Variants in KCNAB1 observed in about 807,000 individuals in gnomAD.
The protein encoded by KCNAB1 is voltage-gated potassium channel subunit beta-1.
KCNAB1 carries 35 observed loss-of-function variants against 64.6 expected under a neutral mutation model. The ratio of observed to expected loss-of-function variants is 0.54; its 90% CI spans 0.41 to 0.72. KCNAB1 has a LOEUF of 0.72. Ranked by LOEUF, KCNAB1 falls within the 30% of genes least tolerant of loss-of-function variation. The pLI, the probability that KCNAB1 is intolerant of heterozygous loss-of-function variation, is 0.00. For missense variants in KCNAB1, 401 were observed against 512.9 expected, an observed-to-expected ratio of 0.78 and a Z score of 2.11; for synonymous variants, 177 against 183.8, an observed-to-expected ratio of 0.96 and a Z score of 0.30.
At chr3:156,354,102 GTA>G (rs1162327469) in intron 1 of KCNAB1, among the ~76,000 whole-genome samples, 132 of 123,654 alleles carry the variant, frequency 1.1e-3, no homozygotes, top group Admixed American at 2.3e-3. Flanking sequence ...TATAATATAT[GTA>G]TATATATGTG....
upstream of KCNAB1, chr3:156,120,535 G>A: frequency 6.5e-7 from 1 of 1,537,596 alleles, no homozygotes; most frequent in Admixed American, 1.7e-5. Flanking sequence ...GGACGAGGGA[G>A]GGAGGCAGAA....
chr3:156,451,102 A>T (rs1306476211), intron 2 of KCNAB1, among the ~76,000 whole-genome samples: 1 of 152,222 alleles, frequency 6.6e-6, no homozygotes, highest in African/African-American at 2.4e-5. Context: ...TGGTGAGGAC[A>T]TCAGCTCTTT....
chr3:156,291,479 C>T (rs1410572918), intron 1 of KCNAB1: 15 of 1,059,286 alleles, frequency 1.4e-5, no homozygotes, highest in African/African-American at 1.7e-5. Context: ...GAGCCATCGC[C>T]CAGAAGCGAG....
At chr3:156,361,243 A>C (rs1223083956) in intron 1 of KCNAB1, among the ~76,000 whole-genome samples, 2 of 152,034 alleles carry the variant, frequency 1.3e-5, no homozygotes, top group African/African-American at 4.8e-5. Flanking sequence ...GCGCCTTTGC[A>C]CTTGCTACTC....
chr3:156,403,406 G>T (rs1036986345), intron 1 of KCNAB1, among the ~76,000 whole-genome samples: 2 of 152,182 alleles, frequency 1.3e-5, no homozygotes, highest in African/African-American at 4.8e-5. Flanking sequence ...TTACCCTCTG[G>T]AGAGTTTTAA....
At chr3:156,402,040 A>G (rs1365895504) in intron 1 of KCNAB1, among the ~76,000 whole-genome samples, 1 of 152,062 alleles carries the variant, frequency 6.6e-6, no homozygotes, top group Non-Finnish European at 1.5e-5. Context: ...TAAGAGAAGT[A>G]CCTAATGTAA....
At chr3:156,477,583 T>C (rs1416407868) in intron 8 of KCNAB1, among the ~76,000 whole-genome samples, 1 of 152,094 alleles carries the variant, frequency 6.6e-6, no homozygotes, top group Non-Finnish European at 1.5e-5. Flanking sequence ...GCAGGACTTG[T>C]TCCAGATTGA....
chr3:156,342,609 ATT>A (rs59689669), intron 1 of KCNAB1, among the ~76,000 whole-genome samples: 14,896 of 104,644 alleles, frequency 0.14, 1,530 homozygotes, highest in African/African-American at 0.4. Context: ...TTTTTTTTTA[ATT>A]TTTTTTTTTT....
intron 1 of KCNAB1, among the ~76,000 whole-genome samples, chr3:156,171,902 A>G (rs531646479): frequency 2.0e-5 from 3 of 152,334 alleles, no homozygotes; most frequent in Admixed American, 1.3e-4. Context: ...CTTTGTAATT[A>G]TTTAATCTGA....
At chr3:156,165,277 CAAAA>C (rs35419424) in intron 1 of KCNAB1, among the ~76,000 whole-genome samples, 7 of 27,136 alleles carry the variant, frequency 2.6e-4, no homozygotes, top group Admixed American at 5.9e-4. Context: ...GACTCCGTCT[CAAAA>C]AAAAAAAAAA....
chr3:156,171,186 C>T (rs545737735), intron 1 of KCNAB1, among the ~76,000 whole-genome samples: 10 of 121,754 alleles, frequency 8.2e-5, no homozygotes, highest in African/African-American at 1.3e-4. Flanking sequence ...AGAAACTTCA[C>T]GCACACATAC....
intron 1 of KCNAB1, among the ~76,000 whole-genome samples, chr3:156,124,812 C>A (rs1357728583): frequency 6.6e-6 from 1 of 152,036 alleles, no homozygotes; most frequent in Non-Finnish European, 1.5e-5. Flanking sequence ...GTCTCAATTT[C>A]TTTGACTGCA....
intron 8 of KCNAB1, among the ~76,000 whole-genome samples, chr3:156,475,803 CATATT>C (rs751183459): frequency 7.1e-4 from 108 of 152,056 alleles, no homozygotes; most frequent in Non-Finnish European, 1.3e-3. Context: ...AAATGATTGA[CATATT>C]ATAAATTTTT....
At chr3:156,434,649 AAAAT>A (rs1716465052) in intron 2 of KCNAB1, among the ~76,000 whole-genome samples, 1 of 152,208 alleles carries the variant, frequency 6.6e-6, no homozygotes, top group Admixed American at 6.5e-5. Flanking sequence ...AGATAAATAG[AAAAT>A]AAATAAATGG....
chr3:156,380,008 C>G (rs569878936), intron 1 of KCNAB1, among the ~76,000 whole-genome samples: 12 of 152,180 alleles, frequency 7.9e-5, no homozygotes, highest in Non-Finnish European at 7.4e-5. Flanking sequence ...TGTGGCTGCT[C>G]TAAGTCCTCT....
At chr3:156,320,035 T>A (rs1234197654) in intron 1 of KCNAB1, among the ~76,000 whole-genome samples, 2 of 152,112 alleles carry the variant, frequency 1.3e-5, no homozygotes, top group Non-Finnish European at 2.9e-5. Flanking sequence ...CAGGGCTACA[T>A]CCATCCTGGA....
chr3:156,526,656 A>ATGG (rs1265044736), intron 12 of KCNAB1, among the ~76,000 whole-genome samples: 1 of 152,218 alleles, frequency 6.6e-6, no homozygotes, highest in East Asian at 1.9e-4. Context: ...GTCAGGTTCT[A>ATGG]TAGTAAGCAC....
intron 1 of KCNAB1, among the ~76,000 whole-genome samples, chr3:156,264,195 TTTTG>T (rs1718574690): frequency 6.6e-6 from 1 of 152,166 alleles, no homozygotes; most frequent in South Asian, 2.1e-4. Context: ...TTAAAATTTG[TTTTG>T]TTTGACAGTA....
intron 1 of KCNAB1, among the ~76,000 whole-genome samples, chr3:156,295,673 A>AT (rs1162485337): frequency 6.6e-6 from 1 of 152,202 alleles, no homozygotes. Context: ...ACTGAGGACT[A>AT]TCCTGTATGT....
Sources: allele counts gnomAD v4.1 joint callset (sites outside exome capture counted in the v4.1 genomes callset), GRCh38; gene constraint gnomAD v4.1.1; transcripts MANE v1.5; gene names NCBI Gene and HGNC (gene_info 2026-07-23, HGNC 2026-07-21).